AKAP12: variants seen among roughly 807,000 people sequenced by gnomAD.
AKAP12 encodes A-kinase anchor protein 12.
Under a neutral mutation model 79.9 loss-of-function variants are expected in AKAP12, and 32 were observed. That is an observed-to-expected ratio of 0.40 (90% CI 0.30 to 0.54). AKAP12 has a LOEUF of 0.54. Ranked by LOEUF, AKAP12 falls within the 20% of genes least tolerant of loss-of-function variation. AKAP12 has a pLI of 0.48. For missense variants in AKAP12, 2,074 were observed against 2,177.0 expected (o/e 0.95, Z 0.94); for synonymous variants, 808 against 857.0 (o/e 0.94, Z 1.00).
rs1399826815 is a variant in AKAP12 at position 151,252,773 on chromosome 6, AAG to A, written c.162+12053_162+12054del. On this transcript the variant is annotated intron_variant, in intron 2 of 4. Coordinates refer to ENST00000402676, the MANE Select transcript of AKAP12 (RefSeq NM_005100.4). ...AAAAAAAGATGAGAAAACGAGATAA[AAG>A]AGATGCCGCCGGATGAGCAGTTGGC... Among the ~76,000 whole-genome samples, 5 of 152,072 alleles carry A rather than the reference AAG, an allele frequency of 3.3e-5. No homozygotes were observed. In the South Asian group the frequency reaches 6.2e-4, roughly 19 times the overall value.
At chr6:151,276,848 T>C (rs1210800565) in intron 2 of AKAP12, among the ~76,000 whole-genome samples, 2 of 152,378 alleles carry the variant, frequency 1.3e-5, no homozygotes, top group East Asian at 3.9e-4. Context: ...TTTATCTGTT[T>C]AGTAGTAAGA....
chr6:151,311,448 C>T (rs927753397), intron 3 of AKAP12, among the ~76,000 whole-genome samples: 9 of 152,160 alleles, frequency 5.9e-5, no homozygotes, highest in Non-Finnish European at 1.2e-4. Flanking sequence ...AATCAGATAA[C>T]GGTATAGAGG....
intron 2 of AKAP12, among the ~76,000 whole-genome samples, chr6:151,256,520 A>T (rs1305833911): frequency 6.6e-6 from 1 of 152,130 alleles, no homozygotes; most frequent in East Asian, 1.9e-4. Flanking sequence ...TAATCTTAAG[A>T]TATTAAAGAA....
At chr6:151,281,907 C>A (rs1582853687) in intron 2 of AKAP12, among the ~76,000 whole-genome samples, 1 of 151,836 alleles carries the variant, frequency 6.6e-6, no homozygotes, top group Non-Finnish European at 1.5e-5. Context: ...CCTGTGTTGC[C>A]CAAGCTTGTC....
chr6:151,255,095 C>A (rs1039654686), intron 2 of AKAP12, among the ~76,000 whole-genome samples: 19 of 152,212 alleles, frequency 1.2e-4, no homozygotes, highest in African/African-American at 4.6e-4. Context: ...TGTGCCTGCA[C>A]CCTTGTCAAC....
chr6:151,333,277 TATCA>T (rs1037692220), intron 3 of AKAP12, among the ~76,000 whole-genome samples: 2 of 152,054 alleles, frequency 1.3e-5, no homozygotes, highest in Non-Finnish European at 2.9e-5. Context: ...AGAGGCCTCT[TATCA>T]ATCACTCCCT....
chr6:151,267,014 C>CAAA (rs34974747), intron 2 of AKAP12, among the ~76,000 whole-genome samples: 5,318 of 35,286 alleles, frequency 0.15, 777 homozygotes, highest in Admixed American at 0.26. Flanking sequence ...GACTCCATCT[C>CAAA]AAAAAAAAAA....
At chr6:151,286,051 T>G (rs964443384) in intron 2 of AKAP12, among the ~76,000 whole-genome samples, 5 of 152,122 alleles carry the variant, frequency 3.3e-5, no homozygotes, top group African/African-American at 1.2e-4. Context: ...AATTTTTTTG[T>G]ATTTTTAGTA....
chr6:151,262,693 T>G (rs1797461831), intron 2 of AKAP12, among the ~76,000 whole-genome samples: 1 of 152,174 alleles, frequency 6.6e-6, no homozygotes, highest in African/African-American at 2.4e-5. Context: ...AACTAAAGTT[T>G]AGAAGATCTT....
Position 151,240,720 on chromosome 6 carries a change from C to G in AKAP12, c.158C>G (p.Thr53Ser). ...GCCATCGCTGCCTCGGACCCCGCCA[C>G]CAAGGTACGGGCGTGCCGGGCCACC... ...DPAIAASDPA[T>S]KLLQKNGQLS... is the part of the protein sequence containing the mutation. The change falls in exon 2 of 5, where the codon ACC becomes AGC. Residue 53 changes from threonine (T) to serine (S), a missense_variant. Around this residue, in one of 3 missense-constraint regions of AKAP12, gnomAD observed 1,428 missense variants for 1,451.0 expected, o/e 0.98. Coordinates refer to ENST00000402676, the MANE Select transcript of AKAP12 (RefSeq NM_005100.4). The G allele has an allele frequency of 7.9e-7, 1 of 1,270,376 alleles. No homozygotes were observed. The highest frequency in any genetic ancestry group is 9.9e-7 in the Non-Finnish European group (1 of 1,010,374). The allele number at this position is 1,270,376 out of a possible 1,614,324, so 78.7% of individuals were successfully genotyped here.
At position 151,312,211 on chromosome 6, in the gene AKAP12, C is replaced by A. The variant is rs188501034; in HGVS notation, c.319+6308C>A. ...CAAGCCCAGGTGCGGTGACTTACAA[C>A]GGTAATCCCAGCACTTTGGGAGGCC... On this transcript the variant is annotated intron_variant, in intron 3 of 4. Coordinates refer to ENST00000402676, the MANE Select transcript of AKAP12 (RefSeq NM_005100.4). 4.9e-3 allele frequency among the ~76,000 whole-genome samples: 739 copies of A among 152,254 alleles called. 1 individual carries two copies. Among genetic ancestry groups the A allele is most frequent in the Non-Finnish European group, 8.7e-3 (589 of 68,034 alleles).
At chr6:151,292,007 A>C (rs2114737800) in intron 2 of AKAP12, among the ~76,000 whole-genome samples, 1 of 152,310 alleles carries the variant, frequency 6.6e-6, no homozygotes, top group Admixed American at 6.5e-5. Flanking sequence ...GAGACATTTC[A>C]ATTGAAAAGC....
intron 2 of AKAP12, among the ~76,000 whole-genome samples, chr6:151,272,538 GA>G (rs1776209428): frequency 6.6e-6 from 1 of 151,802 alleles, no homozygotes; most frequent in Admixed American, 6.6e-5. Flanking sequence ...TAGATAGATA[GA>G]GATGGAGTCT....
At chr6:151,326,167 T>G (rs1284621179) in intron 3 of AKAP12, among the ~76,000 whole-genome samples, 1 of 152,214 alleles carries the variant, frequency 6.6e-6, no homozygotes, top group Non-Finnish European at 1.5e-5. Context: ...TGTTCGGGGT[T>G]GTACCCTTCC....
chr6:151,313,371 T>A (rs1284303345), intron 3 of AKAP12, among the ~76,000 whole-genome samples: 3 of 152,234 alleles, frequency 2.0e-5, no homozygotes, highest in African/African-American at 7.2e-5. Context: ...GTATCCTGTT[T>A]TGTAATGTTT....
chr6:151,328,053 C>T (rs540241469), intron 3 of AKAP12, among the ~76,000 whole-genome samples: 7 of 152,238 alleles, frequency 4.6e-5, no homozygotes, highest in East Asian at 3.9e-4. Flanking sequence ...AACAACCGGG[C>T]GCGGTGGCTC....
intron 2 of AKAP12, among the ~76,000 whole-genome samples, chr6:151,241,125 G>T (rs558788857): frequency 2.2e-4 from 33 of 152,352 alleles, no homozygotes; most frequent in Middle Eastern, 3.4e-3. Flanking sequence ...GGAGCTCCGA[G>T]ATGCGGAAAG....
chr6:151,253,498 T>C (rs1216233401), intron 2 of AKAP12, among the ~76,000 whole-genome samples: 1 of 151,962 alleles, frequency 6.6e-6, no homozygotes, highest in Non-Finnish European at 1.5e-5. Flanking sequence ...GAAATTAAAA[T>C]TACAGGCATG....
intron 3 of AKAP12, among the ~76,000 whole-genome samples, chr6:151,330,853 CTACAT>C (rs1777648566): frequency 6.6e-6 from 1 of 152,084 alleles, no homozygotes; most frequent in Non-Finnish European, 1.5e-5. Context: ...CGGGCTGTCT[CTACAT>C]TATATGGAGC....
Sources: allele counts gnomAD v4.1 joint callset (sites outside exome capture counted in the v4.1 genomes callset), GRCh38; gene constraint gnomAD v4.1.1; regional missense constraint gnomAD v4.1.1; transcripts MANE v1.5; gene names NCBI Gene and HGNC (gene_info 2026-07-23, HGNC 2026-07-21).